Variants in PIP5K1A observed in about 807,000 individuals in gnomAD.
The protein encoded by PIP5K1A is phosphatidylinositol-4-phosphate 5-kinase type 1 alpha.
In PIP5K1A, 46 loss-of-function variants were observed where a neutral mutation model predicts 72.9. The ratio of observed to expected loss-of-function variants is 0.63; its 90% CI spans 0.50 to 0.81. PIP5K1A has a LOEUF of 0.81. Among genes scored for constraint, PIP5K1A ranks in the 30% least tolerant of loss-of-function variants. The pLI is 0.00. For missense variants in PIP5K1A, 458 were observed against 706.1 expected, an observed-to-expected ratio of 0.65 and a Z score of 3.98; for synonymous variants, 228 against 255.1, an observed-to-expected ratio of 0.89 and a Z score of 1.01.
chr1:151,199,353 C>A (rs1364298844), intron 1 of PIP5K1A, among the ~76,000 whole-genome samples: 1 of 152,098 alleles, frequency 6.6e-6, no homozygotes, highest in Non-Finnish European at 1.5e-5. Flanking sequence ...TGGCTCACGC[C>A]TGTAATCTCA....
chr1:151,214,450 G>A (rs936128295), intron 1 of PIP5K1A, among the ~76,000 whole-genome samples: 5 of 151,496 alleles, frequency 3.3e-5, no homozygotes, highest in Admixed American at 6.6e-5. Context: ...ACCCCATCTC[G>A]GCTCACTGCT....
At chr1:151,199,778 A>C (rs1223570369) in intron 1 of PIP5K1A, among the ~76,000 whole-genome samples, 1 of 152,112 alleles carries the variant, frequency 6.6e-6, no homozygotes, top group Non-Finnish European at 1.5e-5. Flanking sequence ...TGTTGAAGAG[A>C]AGCCATGGGA....
chr1:151,210,734 C>T (rs1686687654), intron 1 of PIP5K1A, among the ~76,000 whole-genome samples: 2 of 151,980 alleles, frequency 1.3e-5, no homozygotes, highest in African/African-American at 2.4e-5. Flanking sequence ...TACAGGTGTG[C>T]GCCACCATGC....
rs1691182757 is a variant in PIP5K1A at position 151,238,381 on chromosome 1, G to A, written c.1229+116G>A. The A allele has an allele frequency of 4.1e-6, 3 of 731,562 alleles. No individual in the cohort carries two copies. The South Asian group carries it at 4.5e-5, about 11-fold the overall frequency. The allele number at this position is 731,562 out of a possible 1,614,324, so 45.3% of individuals were successfully genotyped here. On this transcript the variant is annotated intron_variant, in intron 10 of 15. Transcript: ENST00000368888. ...CCGGAAGCAAGAACAGTGAGTTGCA[G>A]TCTGGCTACTTACTTCATTAGTTTT...
chr1:151,205,298 C>T (rs1255368970), intron 1 of PIP5K1A, among the ~76,000 whole-genome samples: 1 of 152,156 alleles, frequency 6.6e-6, no homozygotes, highest in East Asian at 1.9e-4. Flanking sequence ...GCCTCAGCCT[C>T]CTAGGTCACT....
At chr1:151,208,425 A>G (rs1406513508) in intron 1 of PIP5K1A, among the ~76,000 whole-genome samples, 1 of 146,648 alleles carries the variant, frequency 6.8e-6, no homozygotes, top group African/African-American at 2.5e-5. Context: ...CAGTGGTGCA[A>G]TCTTGGGTCA....
intron 4 of PIP5K1A, among the ~76,000 whole-genome samples, chr1:151,230,911 C>T (rs1439325154): frequency 6.6e-6 from 1 of 152,236 alleles, no homozygotes; most frequent in Admixed American, 6.5e-5. Flanking sequence ...TGCCGCCAGG[C>T]AGTCAGATCA....
rs765096339 is a variant in PIP5K1A at position 151,236,545 on chromosome 1, T to C, written c.940-13T>C. On this transcript the variant is annotated splice_polypyrimidine_tract_variant and intron_variant, in intron 8 of 15. Coordinates refer to ENST00000368888, the MANE Select transcript of PIP5K1A (RefSeq NM_001135638.2). ...CTTCCAAGGCTCAGATCATGTTTTT[T>C]TCCTTCCATTAGGTGCTGCAGAGCT... The C allele has an allele frequency of 1.9e-6, 3 of 1,542,794 alleles. No homozygotes were observed. Among genetic ancestry groups the C allele is most frequent in the Non-Finnish European group, 2.7e-6 (3 of 1,119,694 alleles).
At chr1:151,227,430 C>T in intron 4 of PIP5K1A, 30 bp downstream of exon 4, 1 of 1,429,272 alleles carries the variant, frequency 7.0e-7, no homozygotes, top group Non-Finnish European at 9.9e-7. Flanking sequence ...TCTCATCTTA[C>T]TCCAGGAGCT....
At chr1:151,208,912 T>A (rs957518624) in intron 1 of PIP5K1A, among the ~76,000 whole-genome samples, 1 of 151,276 alleles carries the variant, frequency 6.6e-6, no homozygotes, top group Non-Finnish European at 1.5e-5. Context: ...TTTTGTATTT[T>A]TTTTGGTGGG....
In PIP5K1A at chr1:151,242,512, C is replaced by T; in HGVS notation, c.1585C>T (p.Pro529Ser). Residue 529 changes from proline (P) to serine (S), a missense_variant, in exon 14 of 16, where the codon CCT (proline) becomes TCT (serine). By Grantham distance (74) the Pro-to-Ser change is moderately conservative. This residue lies in a region of PIP5K1A where 157 missense variants were observed against 175.5 expected (regional missense o/e 0.89). Coordinates refer to ENST00000368888, the MANE Select transcript of PIP5K1A (RefSeq NM_001135638.2). ...LEEISEGSPIPDPSFSPLVGE... is the reference protein window; with the variant it reads ...LEEISEGSPISDPSFSPLVGE... ...GGAAATCAGTGAGGGCTCGCCTATT[C>T]CTGACCCCAGTTTCTCACCTCTAGT... is the stretch of plus-strand genomic sequence containing the variant. 6.2e-7 allele frequency: 1 copy of T among 1,613,706 alleles called. No individual in the cohort carries two copies.
chr1:151,199,140 C>A, intron 1 of PIP5K1A, 59 bp downstream of exon 1: 1 of 1,611,806 alleles, frequency 6.2e-7, no homozygotes, highest in African/African-American at 1.3e-5. Context: ...GGAGGAAGAG[C>A]GAGACCTAAG....
Position 151,239,880 on chromosome 1 carries a change from G to C in PIP5K1A, c.1279-75G>C, listed in dbSNP as rs184981415. ...TACCCTTCTGCTAGGGGCTCAGTCT[G>C]GGGGAAGATGGCCCTTGGACTAGAG... On this transcript the variant is annotated intron_variant, in intron 11 of 15. Coordinates refer to ENST00000368888, the MANE Select transcript of PIP5K1A (RefSeq NM_001135638.2). 7.8e-6 allele frequency: 8 copies of C among 1,023,466 alleles called. No individual in the cohort carries two copies. The African/African-American group carries it at 8.0e-5, about 10-fold the overall frequency. 63.4% of individuals were successfully genotyped at this position (1,023,466 alleles called of 1,614,324 possible).
At chr1:151,212,382 G>A (rs1002501067) in intron 1 of PIP5K1A, among the ~76,000 whole-genome samples, 14 of 152,120 alleles carry the variant, frequency 9.2e-5, no homozygotes, top group Admixed American at 9.2e-4. Flanking sequence ...TTAGTCTCCA[G>A]TGGCTGGGTA....
chr1:151,237,781 C>T (rs780146906), intron 9 of PIP5K1A, among the ~76,000 whole-genome samples: 3 of 151,980 alleles, frequency 2.0e-5, no homozygotes, highest in Non-Finnish European at 2.9e-5. Context: ...TTAAGGTATC[C>T]TGTAATATGA....
chr1:151,249,509 T>G lies in PIP5K1A; in HGVS notation c.*1644T>G, dbSNP rs752089125. Reference sequence around the variant, plus strand: ...AAAGTGATATATGGTTTTAATGTAATAAACTTTAATGAGTTATTTAGACCT... The same window carrying G: ...AAAGTGATATATGGTTTTAATGTAAGAAACTTTAATGAGTTATTTAGACCT... On this transcript the variant is annotated 3_prime_UTR_variant, in exon 16 of 16. Coordinates refer to ENST00000368888, the MANE Select transcript of PIP5K1A (RefSeq NM_001135638.2). 7 of 152,300 alleles carry G rather than the reference T, an allele frequency of 4.6e-5. No homozygotes were observed. Among genetic ancestry groups the G allele is most frequent in the Middle Eastern group, 6.8e-3 (2 of 294 alleles). The allele number at this position is 152,300 out of a possible 1,614,324, so 9.4% of individuals were successfully genotyped here.
At chr1:151,201,047 G>A (rs1344550986) in intron 1 of PIP5K1A, among the ~76,000 whole-genome samples, 1 of 152,106 alleles carries the variant, frequency 6.6e-6, no homozygotes, top group Non-Finnish European at 1.5e-5. Context: ...TGTTAGCCAG[G>A]ATGGTCTCGA....
intron 1 of PIP5K1A, among the ~76,000 whole-genome samples, chr1:151,217,020 C>T (rs1336498727): frequency 6.9e-6 from 1 of 145,758 alleles, no homozygotes. Flanking sequence ...TCAAGCAATT[C>T]TCGTGCCTTA....
rs587630428 is a variant in PIP5K1A at position 151,213,015 on chromosome 1, G to C, written c.86-11230G>C. Among the ~76,000 whole-genome samples, 1,088 of 145,972 alleles carry C rather than the reference G, an allele frequency of 7.5e-3. 14 individuals are homozygous for C. The highest frequency in any genetic ancestry group is 0.026 in the African/African-American group (1,016 of 39,444). On this transcript the variant is annotated intron_variant, in intron 1 of 15. Coordinates refer to ENST00000368888, the MANE Select transcript of PIP5K1A (RefSeq NM_001135638.2). ...ATGCCATTCTCCTGCCTCAGCCTCT[G>C]GAGTAGCTGGAACTACAGGCGCCCG...
Sources: allele counts gnomAD v4.1 joint callset (sites outside exome capture counted in the v4.1 genomes callset), GRCh38; gene constraint gnomAD v4.1.1; regional missense constraint gnomAD v4.1.1; transcripts MANE v1.5; gene names NCBI Gene and HGNC (gene_info 2026-07-23, HGNC 2026-07-21).